Variants in SLC12A2 observed in about 807,000 individuals in gnomAD.
The protein encoded by SLC12A2 is solute carrier family 12 member 2.
In SLC12A2, 67 loss-of-function variants were observed where a neutral mutation model predicts 136.3. The observed-to-expected ratio is 0.49, with a 90% CI of 0.40 to 0.60. The LOEUF (loss-of-function observed/expected upper bound fraction) is 0.60. SLC12A2 is among the 20% of genes least tolerant of loss of function. The pLI is 0.00. For synonymous variants in SLC12A2, 619 were observed against 562.9 expected (o/e 1.10, Z -1.41); for missense variants, 1,322 against 1,534.7 (o/e 0.86, Z 2.32).
rs1247940448 is a variant in SLC12A2, at chr5:128,187,506, T to C, written c.*875T>C. On this transcript the variant is annotated 3_prime_UTR_variant, in exon 27 of 27. Transcript: ENST00000262461. ...TCAAATCTGAGGGACTTTTAAGAAA[T>C]GCTAACAGATTTTTCTGGAGGAAAT... 1 of 152,078 alleles carries C rather than the reference T, an allele frequency of 6.6e-6. No homozygotes were observed. Among genetic ancestry groups the C allele is most frequent in the Non-Finnish European group, 1.5e-5 (1 of 67,982 alleles). 9.4% of individuals were successfully genotyped at this position (152,078 alleles called of 1,614,324 possible).
At chr5:128,133,243 T>G (rs1240931961) in intron 5 of SLC12A2, among the ~76,000 whole-genome samples, 1 of 152,132 alleles carries the variant, frequency 6.6e-6, no homozygotes, top group Non-Finnish European at 1.5e-5. Context: ...TGGACAAGGT[T>G]GGGAAATGAC....
chr5:128,098,281 G>C (rs1315395169), intron 1 of SLC12A2, among the ~76,000 whole-genome samples: 1 of 151,790 alleles, frequency 6.6e-6, no homozygotes, highest in Non-Finnish European at 1.5e-5. Flanking sequence ...ATGAATTTCT[G>C]TAAAAATTTA....
Position 128,146,538 on chromosome 5 carries a change from GT to G in SLC12A2, c.1774-1070del, listed in dbSNP as rs148115807. Reference sequence around the variant, plus strand: ...TAGTGATCAATCCTATGTTGTTGGTGTTTTTTTTTTTTTTAAGTCTTCTAAG... The same window carrying G: ...TAGTGATCAATCCTATGTTGTTGGTGTTTTTTTTTTTTTAAGTCTTCTAAG... On this transcript the variant is annotated intron_variant, in intron 10 of 26. Transcript: ENST00000262461. Among the ~76,000 whole-genome samples, 443 of 141,286 alleles carry G rather than the reference GT, an allele frequency of 3.1e-3. 1 individual carries two copies. The highest frequency in any genetic ancestry group is 0.021 in the East Asian group (100 of 4,810). The allele number at this position is 141,286 out of a possible 152,430, so 92.7% of individuals were successfully genotyped here. A position where few individuals can be genotyped will look rare whatever the true frequency, so the allele number is the denominator to read the frequency against.
At chr5:128,124,014 C>T (rs150824934) in intron 4 of SLC12A2, among the ~76,000 whole-genome samples, 48 of 152,256 alleles carry the variant, frequency 3.2e-4, no homozygotes, top group African/African-American at 9.4e-4. Context: ...ATTCCAGCAC[C>T]GTCTGTTAAG....
At chr5:128,108,711 A>G (rs754100715) in intron 1 of SLC12A2, among the ~76,000 whole-genome samples, 1 of 152,240 alleles carries the variant, frequency 6.6e-6, no homozygotes, top group Non-Finnish European at 1.5e-5. Context: ...GATGCTGGGA[A>G]TAAGAGTACA....
intron 24 of SLC12A2, among the ~76,000 whole-genome samples, chr5:128,184,092 T>A (rs1215679329): frequency 6.6e-6 from 1 of 152,066 alleles, no homozygotes; most frequent in Non-Finnish European, 1.5e-5. Flanking sequence ...TATTGGTGCT[T>A]AGAAAGTTTT....
At chr5:128,114,070 AG>A in intron 2 of SLC12A2, 141 bp from the exon 3 acceptor site, 1 of 626,028 alleles carries the variant, frequency 1.6e-6, no homozygotes, top group East Asian at 2.6e-5. Context: ...GTTAAAGAAA[AG>A]GGTGGGGTAG....
intron 23 of SLC12A2, among the ~76,000 whole-genome samples, chr5:128,181,716 T>TC (rs1215593418): frequency 6.6e-6 from 1 of 152,136 alleles, no homozygotes; most frequent in African/African-American, 2.4e-5. Flanking sequence ...TGACAGTCTG[T>TC]CCTCTCATTC....
chr5:128,175,102 C>CCT (rs1470763218), intron 20 of SLC12A2, among the ~76,000 whole-genome samples: 3 of 152,046 alleles, frequency 2.0e-5, no homozygotes, highest in African/African-American at 7.2e-5. Context: ...CACTCTCCTA[C>CCT]CTCTGTTCAG....
chr5:128,168,780 G>A (rs376518249), intron 18 of SLC12A2: 1 of 152,230 alleles, frequency 6.6e-6, no homozygotes, highest in African/African-American at 2.4e-5. Flanking sequence ...CTGCTGATCT[G>A]ATGAGGTGTA....
intron 1 of SLC12A2, among the ~76,000 whole-genome samples, chr5:128,112,447 T>C (rs1349864402): frequency 1.3e-5 from 2 of 152,194 alleles, no homozygotes; most frequent in Non-Finnish European, 2.9e-5. Flanking sequence ...TGGTGGCAAC[T>C]AGGTGATGTA....
intron 18 of SLC12A2, chr5:128,170,569 C>T (rs1462998960): frequency 6.6e-6 from 1 of 152,006 alleles, no homozygotes; most frequent in African/African-American, 2.4e-5. Context: ...AATATGTCTA[C>T]ATTGAATACT....
In SLC12A2 at chr5:128,186,963, G is replaced by T; in HGVS notation, c.*332G>T. Reference sequence around the variant, plus strand: ...TACAAAAAGCCTTTAGCCTTGAGGTGCCTTCTGAAATTAACCAAATTTCAT... The same window carrying T: ...TACAAAAAGCCTTTAGCCTTGAGGTTCCTTCTGAAATTAACCAAATTTCAT... On this transcript the variant is annotated 3_prime_UTR_variant, in exon 27 of 27. Coordinates refer to ENST00000262461, the MANE Select transcript of SLC12A2 (RefSeq NM_001046.3). 1 of 182,338 alleles carries T rather than the reference G, an allele frequency of 5.5e-6. No homozygotes were observed. Among genetic ancestry groups the T allele is most frequent in the Non-Finnish European group, 1.1e-5 (1 of 87,312 alleles). 11.3% of individuals were successfully genotyped at this position (182,338 alleles called of 1,614,324 possible). A position where few individuals can be genotyped will look rare whatever the true frequency, so the allele number is the denominator to read the frequency against.
At chr5:128,176,243 C>G (rs1415819310) in intron 20 of SLC12A2, among the ~76,000 whole-genome samples, 2 of 151,926 alleles carry the variant, frequency 1.3e-5, no homozygotes, top group East Asian at 3.9e-4. Flanking sequence ...GAGGTAGGTA[C>G]TAATACCTCT....
intron 14 of SLC12A2, 63 bp downstream of exon 14, chr5:128,151,459 G>C: frequency 7.2e-7 from 1 of 1,396,294 alleles, no homozygotes; most frequent in Non-Finnish European, 9.8e-7. Context: ...AAAACATCTA[G>C]AAGTTCTTTG....
intron 1 of SLC12A2, among the ~76,000 whole-genome samples, chr5:128,105,208 A>G (rs535264364): frequency 1.3e-5 from 2 of 152,330 alleles, no homozygotes; most frequent in South Asian, 4.1e-4. Context: ...TAAGATCAAT[A>G]TTTTATACCC....
chr5:128,134,852 A>G (rs1423417790), intron 6 of SLC12A2, among the ~76,000 whole-genome samples: 2 of 152,114 alleles, frequency 1.3e-5, no homozygotes, highest in Non-Finnish European at 2.9e-5. Context: ...AAAGGTGTTT[A>G]CTTTTGAAGA....
intron 15 of SLC12A2, among the ~76,000 whole-genome samples, 160 bp downstream of exon 15, chr5:128,152,965 C>G (rs977019967): frequency 9.9e-5 from 15 of 152,102 alleles, no homozygotes; most frequent in African/African-American, 3.4e-4. Context: ...TAATATCTAC[C>G]TTAAAAAATG....
intron 9 of SLC12A2, among the ~76,000 whole-genome samples, chr5:128,139,550 T>C (rs1463138606): frequency 6.6e-6 from 1 of 152,184 alleles, no homozygotes; most frequent in African/African-American, 2.4e-5. Context: ...GATGAGAGGA[T>C]AGAAGTTCCG....
Sources: gnomAD v4.1 joint callset for allele counts (sites outside exome capture counted in the v4.1 genomes callset) on GRCh38, gnomAD v4.1.1 for gene constraint, MANE v1.5 for transcripts, NCBI Gene and HGNC (gene_info 2026-07-23, HGNC 2026-07-21) for gene names.